CTNNA2: variants seen among roughly 807,000 people sequenced by gnomAD.
CTNNA2 encodes the protein catenin alpha-2.
In CTNNA2, 42 loss-of-function variants were observed where a neutral mutation model predicts 101.0. The observed-to-expected ratio is 0.42, with a 90% confidence interval of 0.32 to 0.54. The LOEUF is 0.54. CTNNA2 is among the 20% of genes least tolerant of loss of function. The probability of loss-of-function intolerance (pLI) is 0.14; values close to 1 mark genes in which losing one functional copy is unlikely to be tolerated. For missense variants in CTNNA2, 871 were observed against 1,223.1 expected (o/e 0.71, Z 4.29); for synonymous variants, 450 against 456.4 (o/e 0.99, Z 0.18).
chr2:80,505,101 A>T (rs1573064196), intron 9 of CTNNA2, among the ~76,000 whole-genome samples: 2 of 152,200 alleles, frequency 1.3e-5, no homozygotes, highest in East Asian at 3.9e-4. Context: ...CTAAAAAGGG[A>T]GCATCATATG....
intron 1 of CTNNA2, among the ~76,000 whole-genome samples, chr2:79,646,125 A>G (rs1680795777): frequency 6.6e-6 from 1 of 152,202 alleles, no homozygotes; most frequent in Middle Eastern, 3.2e-3. Flanking sequence ...AAGAATGGAG[A>G]TAATTTAGAA....
At chr2:79,383,902 G>A (rs1007279574) in intron 4 of CTNNA2, among the ~76,000 whole-genome samples, 2 of 152,140 alleles carry the variant, frequency 1.3e-5, no homozygotes, top group Non-Finnish European at 2.9e-5. Flanking sequence ...CATGCCTATT[G>A]ACAGCAGCAA....
At chr2:80,273,231 C>T (rs1248992890) in intron 7 of CTNNA2, among the ~76,000 whole-genome samples, 1 of 152,050 alleles carries the variant, frequency 6.6e-6, no homozygotes, top group Non-Finnish European at 1.5e-5. Context: ...ACAACTTCAC[C>T]CTTTTGGTTA....
chr2:79,978,113 T>C (rs142975906), intron 7 of CTNNA2, among the ~76,000 whole-genome samples: 142 of 152,298 alleles, frequency 9.3e-4, no homozygotes, highest in African/African-American at 3.2e-3. Context: ...ACCATTGAGA[T>C]GCATATTGTT....
intron 4 of CTNNA2, among the ~76,000 whole-genome samples, chr2:79,475,208 T>G (rs1671038578): frequency 6.6e-6 from 1 of 151,610 alleles, no homozygotes; most frequent in Admixed American, 6.6e-5. Flanking sequence ...TAGGACTCTG[T>G]GGCATACAGT....
chr2:79,343,746 T>G (rs1381389430), intron 3 of CTNNA2, among the ~76,000 whole-genome samples: 88 of 151,176 alleles, frequency 5.8e-4, no homozygotes, highest in African/African-American at 2.0e-3. Context: ...ATTATTATTA[T>G]TATTATTATT....
intron 2 of CTNNA2, among the ~76,000 whole-genome samples, chr2:79,701,997 C>CAAAA (rs58716617): frequency 1.5e-4 from 11 of 75,432 alleles, no homozygotes; most frequent in Non-Finnish European, 2.2e-4. Flanking sequence ...GACTCTGTCT[C>CAAAA]AAAAAAAAAA....
At chr2:80,500,767 G>C (rs1559160886) in intron 9 of CTNNA2, among the ~76,000 whole-genome samples, 1 of 152,154 alleles carries the variant, frequency 6.6e-6, no homozygotes, top group Non-Finnish European at 1.5e-5. Context: ...ATTGCCTCAA[G>C]TTGTGCAATG....
intron 1 of CTNNA2, among the ~76,000 whole-genome samples, chr2:79,515,421 T>G (rs1222369314): frequency 6.6e-6 from 1 of 152,216 alleles, no homozygotes; most frequent in Admixed American, 6.5e-5. Context: ...GCTTCAGAGT[T>G]GTGAATGTGG....
At chr2:79,935,329 G>A (rs111383993) in intron 7 of CTNNA2, among the ~76,000 whole-genome samples, 63 of 150,190 alleles carry the variant, frequency 4.2e-4, no homozygotes, top group African/African-American at 1.5e-3. Flanking sequence ...CCCAGAGCCC[G>A]TATTTCTTCT....
chr2:79,310,295 T>C (rs1676338100), intron 2 of CTNNA2, among the ~76,000 whole-genome samples: 1 of 152,232 alleles, frequency 6.6e-6, no homozygotes, highest in African/African-American at 2.4e-5. Flanking sequence ...CGACAAAATG[T>C]TTCTAAGATT....
At position 80,432,299 on chromosome 2, in the gene CTNNA2, A is replaced by AT. The variant is rs147048310; in HGVS notation, c.1290+12705dup. Among the ~76,000 whole-genome samples, 270 of 152,326 alleles carry AT rather than the reference A, an allele frequency of 1.8e-3. 1 individual carries two copies. Among genetic ancestry groups the AT allele is most frequent in the African/African-American group, 6.1e-3 (254 of 41,572 alleles). Reference sequence around the variant, plus strand: ...ACATGTTCTTTGATCTAAAGAACAGATTTTTTTAATCATATGTAAAATACA... The same window carrying AT: ...ACATGTTCTTTGATCTAAAGAACAGATTTTTTTTAATCATATGTAAAATACA... On this transcript the variant is annotated intron_variant, in intron 9 of 18. Transcript: ENST00000402739.
At chr2:79,550,986 T>C (rs7597912) in intron 1 of CTNNA2, among the ~76,000 whole-genome samples, 115,632 of 152,194 alleles carry the variant, frequency 0.76, 44,528 homozygotes, top group African/African-American at 0.89. Context: ...TCTGTGATAA[T>C]TTGATAAGTC....
intron 7 of CTNNA2, among the ~76,000 whole-genome samples, chr2:79,917,667 A>G (rs1574308022): frequency 6.6e-6 from 1 of 152,058 alleles, no homozygotes; most frequent in African/African-American, 2.4e-5. Context: ...AAGGTGCTCA[A>G]CTGTGTTTAC....
chr2:79,835,666 GTTT>G (rs70940048), intron 3 of CTNNA2, among the ~76,000 whole-genome samples: 16 of 58,634 alleles, frequency 2.7e-4, no homozygotes, highest in African/African-American at 9.5e-4. Flanking sequence ...GCCTCTCTTT[GTTT>G]TTTTTTTTTT....
intron 1 of CTNNA2, among the ~76,000 whole-genome samples, chr2:79,534,623 C>T (rs1182863240): frequency 6.6e-6 from 1 of 151,798 alleles, no homozygotes; most frequent in African/African-American, 2.4e-5. Flanking sequence ...CTACTCTTAA[C>T]CCATGATCAC....
chr2:80,055,101 G>T (rs1480281510), intron 7 of CTNNA2, among the ~76,000 whole-genome samples: 1 of 151,908 alleles, frequency 6.6e-6, no homozygotes, highest in Non-Finnish European at 1.5e-5. Flanking sequence ...ATCCTAGTTC[G>T]AACTGCAACC....
intron 7 of CTNNA2, among the ~76,000 whole-genome samples, chr2:80,153,110 G>A (rs1287031819): frequency 6.6e-6 from 1 of 152,168 alleles, no homozygotes; most frequent in Non-Finnish European, 1.5e-5. Context: ...TAGCATCCAG[G>A]TCACTGGTGC....
chr2:80,031,452 AAG>A (rs1307642716), intron 7 of CTNNA2, among the ~76,000 whole-genome samples: 1 of 152,202 alleles, frequency 6.6e-6, no homozygotes, highest in African/African-American at 2.4e-5. Context: ...AGCAGGCAAA[AAG>A]AGAGAGCTTG....
Sources: allele counts gnomAD v4.1 joint callset (sites outside exome capture counted in the v4.1 genomes callset), GRCh38; gene constraint gnomAD v4.1.1; transcripts MANE v1.5; gene names NCBI Gene and HGNC (gene_info 2026-07-23, HGNC 2026-07-21).